The following STXBP5L variants were observed in gnomAD, a reference collection of about 807,000 sequenced individuals.
STXBP5L encodes the protein syntaxin-binding protein 5-like.
STXBP5L carries 65 observed loss-of-function variants against 144.5 expected under a neutral mutation model. The ratio of observed to expected loss-of-function variants is 0.45; its 90% CI spans 0.37 to 0.55. The LOEUF (loss-of-function observed/expected upper bound fraction) is 0.55. Ranked by LOEUF, STXBP5L falls within the 20% of genes least tolerant of loss-of-function variation. STXBP5L has a pLI of 0.00. For synonymous variants in STXBP5L, 505 were observed against 469.6 expected (o/e 1.08, Z -0.97); for missense variants, 1,298 against 1,405.5 (o/e 0.92, Z 1.22).
intron 9 of STXBP5L, among the ~76,000 whole-genome samples, chr3:121,185,475 T>G (rs1170222759): frequency 2.6e-5 from 4 of 152,214 alleles, no homozygotes; most frequent in African/African-American, 9.6e-5. Context: ...AATTTTTGTA[T>G]AAGGTGTAAG....
intron 3 of STXBP5L, among the ~76,000 whole-genome samples, chr3:121,037,529 C>A (rs1358082435): frequency 2.0e-5 from 3 of 151,768 alleles, no homozygotes; most frequent in Non-Finnish European, 2.9e-5. Flanking sequence ...GCACTATAGT[C>A]TTTTTATATG....
intron 10 of STXBP5L, among the ~76,000 whole-genome samples, chr3:121,212,876 C>G (rs1005354945): frequency 1.3e-5 from 2 of 152,150 alleles, no homozygotes; most frequent in African/African-American, 4.8e-5. Flanking sequence ...TGTTTGTATT[C>G]TCTCTTATTT....
chr3:121,180,024 T>C (rs917194566), intron 9 of STXBP5L, among the ~76,000 whole-genome samples: 1 of 152,166 alleles, frequency 6.6e-6, no homozygotes, highest in South Asian at 2.1e-4. Flanking sequence ...GAAGGAATAA[T>C]TGAGGAAAAC....
At chr3:120,926,805 A>C (rs1351196159) in intron 2 of STXBP5L, among the ~76,000 whole-genome samples, 1 of 152,072 alleles carries the variant, frequency 6.6e-6, no homozygotes, top group Non-Finnish European at 1.5e-5. Flanking sequence ...TGCTTCATAC[A>C]TTTAGCTGTT....
At chr3:121,086,847 A>T (rs1035773229) in intron 5 of STXBP5L, among the ~76,000 whole-genome samples, 1 of 152,080 alleles carries the variant, frequency 6.6e-6, no homozygotes, top group Admixed American at 6.6e-5. Flanking sequence ...AGGTTAGTGT[A>T]AGTACTTACA....
intron 2 of STXBP5L, among the ~76,000 whole-genome samples, chr3:120,937,654 C>A (rs747088218): frequency 2.0e-5 from 3 of 151,988 alleles, no homozygotes; most frequent in Non-Finnish European, 2.9e-5. Context: ...TTGCTTTTTT[C>A]TTGTTTTGTG....
intron 3 of STXBP5L, among the ~76,000 whole-genome samples, chr3:121,009,196 T>G (rs1469968970): frequency 6.6e-6 from 1 of 152,014 alleles, no homozygotes; most frequent in Non-Finnish European, 1.5e-5. Context: ...CCTACTTAAC[T>G]GGGTTTTTAG....
At chr3:121,193,835 CAG>C (rs2047806993) in intron 9 of STXBP5L, among the ~76,000 whole-genome samples, 1 of 151,830 alleles carries the variant, frequency 6.6e-6, no homozygotes, top group Non-Finnish European at 1.5e-5. Flanking sequence ...GGGTAGGGGT[CAG>C]GGGGAGGGAT....
chr3:120,965,061 A>G (rs1390344891), intron 3 of STXBP5L, among the ~76,000 whole-genome samples: 1 of 152,138 alleles, frequency 6.6e-6, no homozygotes, highest in Non-Finnish European at 1.5e-5. Context: ...TTGTTGGTTT[A>G]AAGTCTGTTT....
intron 3 of STXBP5L, among the ~76,000 whole-genome samples, chr3:121,030,068 A>G (rs1946254769): frequency 6.6e-6 from 1 of 152,208 alleles, no homozygotes; most frequent in Admixed American, 6.5e-5. Context: ...GAACACTTTT[A>G]CACTGTTGGT....
intron 7 of STXBP5L, among the ~76,000 whole-genome samples, chr3:121,135,330 T>G (rs1441686558): frequency 6.6e-6 from 1 of 152,194 alleles, no homozygotes; most frequent in African/African-American, 2.4e-5. Context: ...ATGAGTAGAT[T>G]GCAAAAATTT....
At chr3:121,345,166 CA>C (rs1240578901) in intron 20 of STXBP5L, among the ~76,000 whole-genome samples, 1 of 151,988 alleles carries the variant, frequency 6.6e-6, no homozygotes, top group African/African-American at 2.4e-5. Flanking sequence ...CGCAGCCCCC[CA>C]CTCCCTGACA....
At chr3:121,186,622 C>G (rs1191303) in intron 9 of STXBP5L, among the ~76,000 whole-genome samples, 3 of 152,036 alleles carry the variant, frequency 2.0e-5, no homozygotes, top group Non-Finnish European at 2.9e-5. Flanking sequence ...GTTGAACCAG[C>G]CTTGCATCCC....
At chr3:121,016,208 C>G (rs761532177) in intron 3 of STXBP5L, among the ~76,000 whole-genome samples, 5 of 152,062 alleles carry the variant, frequency 3.3e-5, no homozygotes, top group Non-Finnish European at 7.4e-5. Context: ...ACAAGGCATT[C>G]CAAAGACCAG....
At chr3:121,350,074 C>T (rs966849235) in intron 20 of STXBP5L, among the ~76,000 whole-genome samples, 1 of 152,110 alleles carries the variant, frequency 6.6e-6, no homozygotes, top group Non-Finnish European at 1.5e-5. Flanking sequence ...TACAATTTGG[C>T]ATGTTTTTGC....
At chr3:120,926,826 A>G (rs1193352433) in intron 2 of STXBP5L, among the ~76,000 whole-genome samples, 1 of 151,940 alleles carries the variant, frequency 6.6e-6, no homozygotes, top group Non-Finnish European at 1.5e-5. Flanking sequence ...GAGGGCCTCT[A>G]GTGAGTTTTT....
chr3:121,209,565 A>G (rs1301724484), intron 10 of STXBP5L, among the ~76,000 whole-genome samples: 1 of 151,946 alleles, frequency 6.6e-6, no homozygotes, highest in Non-Finnish European at 1.5e-5. Context: ...TATATCTCCT[A>G]ATGCTATCCA....
intron 5 of STXBP5L, among the ~76,000 whole-genome samples, chr3:121,097,833 A>G (rs1424789942): frequency 1.3e-5 from 2 of 152,190 alleles, no homozygotes; most frequent in Non-Finnish European, 2.9e-5. Flanking sequence ...ACTAATTGAA[A>G]TGTGATCTAA....
rs118102559 is a variant in STXBP5L, at chr3:121,245,250, A to G, written c.1400+4743A>G. On this transcript the variant is annotated intron_variant, in intron 14 of 26. Transcript: ENST00000471454. The stretch of plus-strand genomic sequence containing the variant: ...TTATAGTTTAAAATAGATTGGTATA[A>G]CTAGAAGATATTTTATGTAATCCTG... 1.1e-3 allele frequency among the ~76,000 whole-genome samples: 163 copies of G among 152,004 alleles called. 1 individual carries two copies. The East Asian group carries it at 0.029, about 27-fold the overall frequency.
Sources: gnomAD v4.1 joint callset for allele counts (sites outside exome capture counted in the v4.1 genomes callset) on GRCh38, gnomAD v4.1.1 for gene constraint, MANE v1.5 for transcripts, NCBI Gene and HGNC (gene_info 2026-07-23, HGNC 2026-07-21) for gene names.